PSEN1: variants seen among roughly 807,000 people sequenced by gnomAD.
The protein encoded by PSEN1 is presenilin 1, also known as presenilin-1.
A neutral mutation model predicts 53.5 loss-of-function variants in PSEN1; 15 were observed. That is an observed-to-expected ratio of 0.28 (90% CI 0.19 to 0.43). The LOEUF is 0.43. PSEN1 is among the 20% of genes least tolerant of loss of function. The pLI, the probability that PSEN1 is intolerant of heterozygous loss-of-function variation, is 1.00. For synonymous variants in PSEN1, 208 were observed against 209.8 expected (o/e 0.99, Z 0.08); for missense variants, 387 against 571.2 (o/e 0.68, Z 3.29).
chr14:73,207,536 A>C (rs985481799), intron 9 of PSEN1, among the ~76,000 whole-genome samples: 2 of 152,246 alleles, frequency 1.3e-5, no homozygotes, highest in Admixed American at 1.3e-4. Flanking sequence ...AACTGCAAGG[A>C]AGATACTTTC....
chr14:73,144,988 G>A (rs1323174118), intron 1 of PSEN1, among the ~76,000 whole-genome samples: 4 of 152,140 alleles, frequency 2.6e-5, no homozygotes, highest in Admixed American at 6.6e-5. Flanking sequence ...CACCTCCCAG[G>A]TTCAAGCGAT....
At chr14:73,169,661 C>A (rs1335358760) in intron 3 of PSEN1, among the ~76,000 whole-genome samples, 1 of 151,908 alleles carries the variant, frequency 6.6e-6, no homozygotes, top group Non-Finnish European at 1.5e-5. Flanking sequence ...TTCAACCTTA[C>A]CAATTTTTTT....
intron 5 of PSEN1, among the ~76,000 whole-genome samples, chr14:73,185,373 G>T (rs1403190566): frequency 6.6e-6 from 1 of 152,254 alleles, no homozygotes; most frequent in Non-Finnish European, 1.5e-5. Context: ...GGAGGCCGAG[G>T]CTGGTGGATC....
intron 3 of PSEN1, chr14:73,168,468 G>A (rs941139196): frequency 1.3e-5 from 2 of 152,188 alleles, no homozygotes; most frequent in East Asian, 3.8e-4. Flanking sequence ...CTGATTGTCG[G>A]AAATACAAGC....
At chr14:73,187,557 A>G (rs974148481) in intron 6 of PSEN1, among the ~76,000 whole-genome samples, 1 of 152,230 alleles carries the variant, frequency 6.6e-6, no homozygotes, top group Non-Finnish European at 1.5e-5. Context: ...ATGAGAATCT[A>G]TGTGAAATGG....
rs138311229 is a variant in PSEN1 at position 73,183,146 on chromosome 14, C to G, written c.481-3707C>G. On this transcript the variant is annotated intron_variant, in intron 5 of 11. Transcript: ENST00000324501. ...CTTTTTTGTTTTTTTGAGATGGAGT[C>G]TCGCTCTGTTGCTCAGGCTGGAGTG... Among the ~76,000 whole-genome samples the G allele has an allele frequency of 3.8e-3, 574 of 152,186 alleles. 1 individual carries two copies. Among genetic ancestry groups the G allele is most frequent in the Non-Finnish European group, 6.2e-3 (423 of 68,006 alleles).
At chr14:73,180,310 G>A (rs1257044038) in intron 5 of PSEN1, among the ~76,000 whole-genome samples, 1 of 150,966 alleles carries the variant, frequency 6.6e-6, no homozygotes, top group Non-Finnish European at 1.5e-5. Context: ...GACAGTTTAA[G>A]AGGTTTGTAT....
chr14:73,192,177 C>G (rs1374946035), intron 6 of PSEN1, among the ~76,000 whole-genome samples: 1 of 152,092 alleles, frequency 6.6e-6, no homozygotes, highest in Admixed American at 6.6e-5. Flanking sequence ...GTGGCTCATG[C>G]TTGTAATCCC....
intron 5 of PSEN1, chr14:73,173,960 G>A: frequency 1.7e-6 from 1 of 605,768 alleles, no homozygotes; most frequent in Non-Finnish European, 2.9e-6. Flanking sequence ...AAGCAGCTTG[G>A]GCAACGTAGC....
intron 3 of PSEN1, among the ~76,000 whole-genome samples, chr14:73,155,231 A>G (rs1566621355): frequency 6.6e-6 from 1 of 152,198 alleles, no homozygotes; most frequent in South Asian, 2.1e-4. Context: ...TCTTGACTAA[A>G]CAGTTGGACT....
rs1035641899 is a variant in PSEN1, at chr14:73,198,267, T to C, written c.868+138T>C. The C allele has an allele frequency of 1.2e-5, 8 of 652,328 alleles. No homozygotes were observed. In the Admixed American group the frequency reaches 1.9e-4, roughly 16 times the overall value. 40.4% of individuals were successfully genotyped at this position (652,328 alleles called of 1,614,324 possible). A position where few individuals can be genotyped will look rare whatever the true frequency, so the allele number is the denominator to read the frequency against. The stretch of plus-strand genomic sequence containing the variant: ...CATTCCTGGAACTCCTGCAGATCTC[T>C]TTGTTTCCTTGCAAGCAATTGTCTT... On this transcript the variant is annotated intron_variant, in intron 8 of 11. Transcript: ENST00000324501.
Position 73,222,343 on chromosome 14 carries a change from C to T in PSEN1, c.*3054C>T, listed in dbSNP as rs186309281. ...TAGTCTCTCTGCTTTTAAAAACCCT[C>T]CTTTTGCAATAGATGCCCAAACAGA... On this transcript the variant is annotated 3_prime_UTR_variant, in exon 12 of 12. Coordinates refer to ENST00000324501, the MANE Select transcript of PSEN1 (RefSeq NM_000021.4). The T allele has an allele frequency of 6.6e-6, 1 of 152,312 alleles. No individual in the cohort carries two copies. The highest frequency in any genetic ancestry group is 2.4e-5 in the African/African-American group (1 of 41,564). 9.4% of individuals were successfully genotyped at this position (152,312 alleles called of 1,614,324 possible).
rs193115013 is a variant in PSEN1, at chr14:73,151,513, C to T, written c.87+3407C>T. Among the ~76,000 whole-genome samples the T allele has an allele frequency of 4.2e-3, 646 of 152,144 alleles. 3 individuals carry two copies. Among genetic ancestry groups the T allele is most frequent in the African/African-American group, 0.015 (605 of 41,508 alleles). ...AAGCATGGGTGATCTTGGTGATTTC[C>T]CCCTTTCATTTTCTAAATGTTCTAT... On this transcript the variant is annotated intron_variant, in intron 3 of 11. Coordinates refer to ENST00000324501, the MANE Select transcript of PSEN1 (RefSeq NM_000021.4).
intron 3 of PSEN1, among the ~76,000 whole-genome samples, chr14:73,158,658 TC>T (rs1897440324): frequency 1.3e-5 from 2 of 152,138 alleles, no homozygotes; most frequent in Non-Finnish European, 2.9e-5. Context: ...GATGGAGTCT[TC>T]CTATGTTTCA....
chr14:73,175,033 G>A (rs1317023331), intron 5 of PSEN1, among the ~76,000 whole-genome samples: 1 of 152,140 alleles, frequency 6.6e-6, no homozygotes, highest in Non-Finnish European at 1.5e-5. Context: ...GAAATTATAA[G>A]TGTTCGGCCA....
intron 5 of PSEN1, among the ~76,000 whole-genome samples, chr14:73,186,340 T>G (rs1487824236): frequency 6.6e-6 from 1 of 151,076 alleles, no homozygotes; most frequent in Non-Finnish European, 1.5e-5. Context: ...GATTGCGCCA[T>G]TGCACTCCAT....
chr14:73,210,933 T>G (rs911552659), intron 9 of PSEN1, among the ~76,000 whole-genome samples: 3 of 152,206 alleles, frequency 2.0e-5, no homozygotes, highest in Non-Finnish European at 4.4e-5. Context: ...GCTCACCATT[T>G]TCAATGAGAT....
chr14:73,220,903 A>G lies in PSEN1; in HGVS notation c.*1614A>G, dbSNP rs1022634476. The G allele has an allele frequency of 1.3e-5, 2 of 152,156 alleles. No homozygotes were observed. The highest frequency in any genetic ancestry group is 6.5e-5 in the Admixed American group (1 of 15,270). 9.4% of individuals were successfully genotyped at this position (152,156 alleles called of 1,614,324 possible). A position where few individuals can be genotyped will look rare whatever the true frequency, so the allele number is the denominator to read the frequency against. On this transcript the variant is annotated 3_prime_UTR_variant, in exon 12 of 12. Transcript: ENST00000324501. The stretch of plus-strand genomic sequence containing the variant: ...TCTTTACCACAGAGAGCCCTTAGCT[A>G]TGCTGATCAGACCGTAAGCGTTTAT...
intron 3 of PSEN1, among the ~76,000 whole-genome samples, chr14:73,170,055 C>G (rs919888002): frequency 6.6e-6 from 1 of 152,180 alleles, no homozygotes; most frequent in Non-Finnish European, 1.5e-5. Context: ...AACTTCCGGA[C>G]GTTGCCATGG....
Sources: gnomAD v4.1 joint callset for allele counts (sites outside exome capture counted in the v4.1 genomes callset) on GRCh38, gnomAD v4.1.1 for gene constraint, MANE v1.5 for transcripts, NCBI Gene and HGNC (gene_info 2026-07-23, HGNC 2026-07-21) for gene names.